The following TRAF6 variants were observed in gnomAD, a reference collection of about 807,000 sequenced individuals.
TRAF6 encodes TNF receptor associated factor 6.
Under a neutral mutation model 48.4 loss-of-function variants are expected in TRAF6, and 10 were observed. The ratio of observed to expected loss-of-function variants is 0.21; its 90% CI spans 0.13 to 0.35. The LOEUF is 0.35. Among genes scored for constraint, TRAF6 ranks in the 10% least tolerant of loss-of-function variants. The probability of loss-of-function intolerance (pLI) is 1.00; values close to 1 mark genes in which losing one functional copy is unlikely to be tolerated. For missense variants in TRAF6, 397 were observed against 661.0 expected (o/e 0.60, Z 4.38); for synonymous variants, 186 against 219.6 (o/e 0.85, Z 1.35).
intron 1 of TRAF6, among the ~76,000 whole-genome samples, chr11:36,504,642 TC>T (rs1408549485): frequency 1.3e-5 from 2 of 152,192 alleles, no homozygotes; most frequent in African/African-American, 2.4e-5. Flanking sequence ...TTTGACCTCC[TC>T]CCATGAGCCA....
At chr11:36,507,075 G>A (rs114178037) in intron 1 of TRAF6, among the ~76,000 whole-genome samples, 2,037 of 145,162 alleles carry the variant, frequency 0.014, 185 homozygotes, top group African/African-American at 0.053. Flanking sequence ...GTATATATAC[G>A]TATATACACA....
chr11:36,489,570 G>A lies in TRAF6; in HGVS notation c.*268C>T, dbSNP rs1392515204. On this transcript the variant is annotated 3_prime_UTR_variant, in exon 7 of 7. Coordinates refer to ENST00000526995, the MANE Select transcript of TRAF6 (RefSeq NM_004620.4). Reference sequence around the variant, plus strand: ...AAGCCCAAGAAAGTACAACAAAGAGGTATACTAACTGGCAAAATAGCTGCT... The same window carrying A: ...AAGCCCAAGAAAGTACAACAAAGAGATATACTAACTGGCAAAATAGCTGCT... 2.1e-6 allele frequency: 1 copy of A among 467,852 alleles called. No homozygotes were observed. The allele number at this position is 467,852 out of a possible 1,614,324, so 29.0% of individuals were successfully genotyped here.
Position 36,490,764 on chromosome 11 carries a change from T to G in TRAF6, c.757-114A>C. 1 of 911,884 alleles carries G rather than the reference T, an allele frequency of 1.1e-6. No individual in the cohort carries two copies. Among genetic ancestry groups the G allele is most frequent in the East Asian group, 2.6e-5 (1 of 38,980 alleles). The allele number at this position is 911,884 out of a possible 1,614,324, so 56.5% of individuals were successfully genotyped here. ...GTAGTCACACCACTTCCCTCAATTC[T>G]CTACAATTTTCCTTTGCCTTCAACA... On this transcript the variant is annotated intron_variant, in intron 6 of 6. Coordinates refer to ENST00000526995, the MANE Select transcript of TRAF6 (RefSeq NM_004620.4). This position sits in a 1 kb window ranked among gnomAD's most constrained non-coding sequence, Gnocchi z 6.4.
chr11:36,492,871 G>C (rs901699164), intron 5 of TRAF6, among the ~76,000 whole-genome samples: 9 of 152,114 alleles, frequency 5.9e-5, no homozygotes, highest in African/African-American at 2.2e-4. Flanking sequence ...TCAAGAAAAT[G>C]AATTTGTTCC....
chr11:36,492,246 T>C (rs1029091420), intron 6 of TRAF6, among the ~76,000 whole-genome samples: 2 of 152,194 alleles, frequency 1.3e-5, no homozygotes, highest in Non-Finnish European at 2.9e-5. Context: ...CACAAACTAC[T>C]TGTAGTTCCT....
intron 5 of TRAF6, among the ~76,000 whole-genome samples, chr11:36,494,233 GC>G (rs1183257460): frequency 6.6e-6 from 1 of 152,068 alleles, no homozygotes; most frequent in Non-Finnish European, 1.5e-5. Context: ...AATTAGCCGG[GC>G]ATGGTGGTGC....
In TRAF6 at chr11:36,490,629, G is replaced by A. The variant is rs771879519; in HGVS notation, c.778C>T (p.Arg260Cys). The A allele has an allele frequency of 1.1e-5, 17 of 1,609,288 alleles. No homozygotes were observed. The highest frequency in any genetic ancestry group is 1.7e-5 in the Admixed American group (1 of 59,826). The change falls in exon 7 of 7, where the codon CGC becomes TGC. Residue 260 changes from arginine (R) to cysteine (C), a missense_variant. Around this residue, in one of 4 missense-constraint regions of TRAF6, gnomAD observed 245 missense variants for 349.1 expected, o/e 0.70. Coordinates refer to ENST00000526995, the MANE Select transcript of TRAF6 (RefSeq NM_004620.4). This position sits in a 1 kb window ranked among gnomAD's most constrained non-coding sequence, Gnocchi z 6.4. ...HEKMQRNHLA[R>C]HLQENTQSHM... ...GACTGGGTGTTCTCTTGTAGGTGGC[G>A]TGCCAAGTGATTCCTCTGCATCTAA...
chr11:36,495,173 G>T, intron 4 of TRAF6, 126 bp from the exon 5 acceptor site: 1 of 614,016 alleles, frequency 1.6e-6, no homozygotes, highest in Non-Finnish European at 2.9e-6. Context: ...CAAAGCAAAA[G>T]TGAGTGAAAG....
At chr11:36,502,941 TACA>T (rs1451971146) in intron 1 of TRAF6, among the ~76,000 whole-genome samples, 3 of 152,202 alleles carry the variant, frequency 2.0e-5, no homozygotes, top group Non-Finnish European at 4.4e-5. Flanking sequence ...AATGAATTAT[TACA>T]ACAACTTTAT....
chr11:36,497,044 A>T lies in TRAF6; in HGVS notation c.606+64T>A, dbSNP rs1174104475. 34 of 1,548,532 alleles carry T rather than the reference A, an allele frequency of 2.2e-5. No individual in the cohort carries two copies. The Admixed American group carries it at 6.2e-4, about 28-fold the overall frequency. On this transcript the variant is annotated intron_variant, in intron 4 of 6. Coordinates refer to ENST00000526995, the MANE Select transcript of TRAF6 (RefSeq NM_004620.4). Reference sequence around the variant, plus strand: ...TCCTTATCTACTGCTAACCCCCTCAAGTACACATTTAAGAACAATATTTTA... The same window carrying T: ...TCCTTATCTACTGCTAACCCCCTCATGTACACATTTAAGAACAATATTTTA...
rs1859529158 is a variant in TRAF6, at chr11:36,489,250, C to T, written c.*588G>A. 1 of 153,086 alleles carries T rather than the reference C, an allele frequency of 6.5e-6. No homozygotes were observed. Among genetic ancestry groups the T allele is most frequent in the South Asian group, 2.1e-4 (1 of 4,850 alleles). 9.5% of individuals were successfully genotyped at this position (153,086 alleles called of 1,614,324 possible). ...TTATATTTAGGGTTTAAACTCATCC[C>T]TGAATATCCTTAGTAACAACCTGGA... On this transcript the variant is annotated 3_prime_UTR_variant, in exon 7 of 7. Coordinates refer to ENST00000526995, the MANE Select transcript of TRAF6 (RefSeq NM_004620.4).
At chr11:36,496,898 T>C (rs1335720404) in intron 4 of TRAF6, among the ~76,000 whole-genome samples, 1 of 152,226 alleles carries the variant, frequency 6.6e-6, no homozygotes, top group African/African-American at 2.4e-5. Flanking sequence ...TAAATGTTTT[T>C]TTAAGAAAGA....
Position 36,508,311 on chromosome 11 carries a change from CTTAAAGATTGTGGAACGT to C in TRAF6, c.-23+1719_-23+1736del, listed in dbSNP as rs1859836019. On this transcript the variant is annotated intron_variant, in intron 1 of 6. Transcript: ENST00000526995. ...CGAAATCTAGTATGATAAGCACTAC[CTTAAAGATTGTGGAACGT>C]TAACTACTGCTAACTTATTTCAGCC... Among the ~76,000 whole-genome samples the C allele has an allele frequency of 2.0e-5, 3 of 151,852 alleles. No individual in the cohort carries two copies. In the South Asian group the frequency reaches 6.2e-4, roughly 32 times the overall value.
chr11:36,487,986 GTTTAGTATATTTCC>G lies in TRAF6; in HGVS notation c.*1838_*1851del, dbSNP rs1859509409. 6.6e-6 allele frequency: 1 copy of G among 152,174 alleles called. No individual in the cohort carries two copies. Among genetic ancestry groups the G allele is most frequent in the Non-Finnish European group, 1.5e-5 (1 of 68,030 alleles). The allele number at this position is 152,174 out of a possible 1,614,324, so 9.4% of individuals were successfully genotyped here. On this transcript the variant is annotated 3_prime_UTR_variant, in exon 7 of 7. Coordinates refer to ENST00000526995, the MANE Select transcript of TRAF6 (RefSeq NM_004620.4). ...GCAAAGGAAAATAAGCCAACAAAAA[GTTTAGTATATTTCC>G]TTCAGGCTTTTTCTACGCAAATACA...
Position 36,498,680 on chromosome 11 carries a change from C to G in TRAF6, c.297-40G>C, listed in dbSNP as rs762746478. The G allele has an allele frequency of 7.1e-6, 11 of 1,550,118 alleles. No individual in the cohort carries two copies. The South Asian group carries it at 1.2e-4, about 17-fold the overall frequency. On this transcript the variant is annotated intron_variant, in intron 2 of 6. Coordinates refer to ENST00000526995, the MANE Select transcript of TRAF6 (RefSeq NM_004620.4). ...ATACACACAATTAGATTTAAAGACT[C>G]ACATTAGAAAATCCAAACAACTTTA...
At position 36,488,532 on chromosome 11, in the gene TRAF6, T is replaced by C. The variant is rs1164407359; in HGVS notation, c.*1306A>G. 1 of 152,622 alleles carries C rather than the reference T, an allele frequency of 6.6e-6. No individual in the cohort carries two copies. The highest frequency in any genetic ancestry group is 1.9e-4 in the East Asian group (1 of 5,198). The allele number at this position is 152,622 out of a possible 1,614,324, so 9.5% of individuals were successfully genotyped here. ...GGTGGATGGATCTTTAGATCCTTTA[T>C]AAGCTTATACTAGTTGCGGGTCTCC... On this transcript the variant is annotated 3_prime_UTR_variant, in exon 7 of 7. Coordinates refer to ENST00000526995, the MANE Select transcript of TRAF6 (RefSeq NM_004620.4).
At chr11:36,496,571 ACT>A (rs1193026939) in intron 4 of TRAF6, 1 of 153,338 alleles carries the variant, frequency 6.5e-6, no homozygotes, top group Non-Finnish European at 1.4e-5. Flanking sequence ...CAAGAGTGAA[ACT>A]CTGTCTCAAA....
intron 3 of TRAF6, 78 bp from the exon 4 acceptor site, chr11:36,497,344 G>T: frequency 7.3e-7 from 1 of 1,362,934 alleles, no homozygotes; most frequent in Non-Finnish European, 9.9e-7. Context: ...ATCATATACT[G>T]TTCTCTTTCA....
Position 36,501,773 on chromosome 11 carries a change from GCA to G in TRAF6, c.-22-238_-22-237del, listed in dbSNP as rs1859719530. Reference sequence around the variant, plus strand: ...TTATTATTTGTGCAAATCACTTGGAGCACACAAAGAAAGCTGGGTCCCTTCAG... The same window carrying G: ...TTATTATTTGTGCAAATCACTTGGAGCACAAAGAAAGCTGGGTCCCTTCAG... On this transcript the variant is annotated intron_variant, in intron 1 of 6. Coordinates refer to ENST00000526995, the MANE Select transcript of TRAF6 (RefSeq NM_004620.4). The G allele has an allele frequency of 3.3e-5, 9 of 272,576 alleles. No homozygotes were observed. In the South Asian group the frequency reaches 1.3e-3, roughly 39 times the overall value. 16.9% of individuals were successfully genotyped at this position (272,576 alleles called of 1,614,324 possible). A position where few individuals can be genotyped will look rare whatever the true frequency, so the allele number is the denominator to read the frequency against.
Sources: allele counts gnomAD v4.1 joint callset (sites outside exome capture counted in the v4.1 genomes callset), GRCh38; gene constraint gnomAD v4.1.1; regional missense constraint gnomAD v4.1.1; non-coding constraint Gnocchi (gnomAD v3.1); transcripts MANE v1.5; gene names NCBI Gene and HGNC (gene_info 2026-07-23, HGNC 2026-07-21).